The following RANBP2 variants were observed in gnomAD, a reference collection of about 807,000 sequenced individuals.
The protein encoded by RANBP2 is RAN binding protein 2, also known as E3 SUMO-protein ligase RanBP2.
RANBP2 carries 57 observed loss-of-function variants against 303.6 expected under a neutral mutation model. The observed-to-expected ratio is 0.19, with a 90% confidence interval of 0.15 to 0.23. The LOEUF (loss-of-function observed/expected upper bound fraction) is 0.23, where lower values mean the gene tolerates loss of function less well. Ranked by LOEUF, RANBP2 falls within the 10% of genes least tolerant of loss-of-function variation. The pLI is 1.00. For synonymous variants in RANBP2, 1,167 were observed against 1,301.5 expected (o/e 0.90, Z 2.23); for missense variants, 3,138 against 3,780.8 (o/e 0.83, Z 4.46).
chr2:108,823,343 A>G, the RANBP2 span, among the ~76,000 whole-genome samples: 39 of 152,370 alleles, frequency 2.6e-4, no homozygotes, highest in African/African-American at 6.5e-4. Flanking sequence ...ATAAAAAACT[A>G]TTGACTAATA....
chr2:108,875,471 T>C, the RANBP2 span, among the ~76,000 whole-genome samples: 1 of 151,988 alleles, frequency 6.6e-6, no homozygotes, highest in Non-Finnish European at 1.5e-5. Context: ...TTACTCAAAA[T>C]AGGATGATCA....
the RANBP2 span, among the ~76,000 whole-genome samples, chr2:109,777,333 T>G: frequency 1.0e-4 from 15 of 148,144 alleles, no homozygotes; most frequent in Middle Eastern, 3.4e-3. Context: ...TACTTTAATA[T>G]ACTTTAATAG....
chr2:109,562,256 A>G, the RANBP2 span, among the ~76,000 whole-genome samples: 2 of 151,642 alleles, frequency 1.3e-5, no homozygotes, highest in Non-Finnish European at 2.9e-5. Context: ...AAAAAAATAC[A>G]TGTCTTAAGC....
At chr2:109,405,646 T>C in the RANBP2 span, among the ~76,000 whole-genome samples, 1 of 152,240 alleles carries the variant, frequency 6.6e-6, no homozygotes, top group Non-Finnish European at 1.5e-5. Flanking sequence ...AGAAGGCTCC[T>C]GCCCGCCCTT....
rs577829907 is a variant in RANBP2, at chr2:108,745,778, A to G, written c.976-933A>G. 5.9e-5 allele frequency among the ~76,000 whole-genome samples: 9 copies of G among 152,140 alleles called. 1 individual carries two copies. The South Asian group carries it at 1.7e-3, about 28-fold the overall frequency. ...GTGTCATATCTACTCAAATAGGACA[A>G]CATCTGCTGTTGTCCTATTTATGCA... On this transcript the variant is annotated intron_variant, in intron 7 of 28. Coordinates refer to ENST00000283195, the MANE Select transcript of RANBP2 (RefSeq NM_006267.5).
chr2:109,105,005 C>T, the RANBP2 span, among the ~76,000 whole-genome samples: 1 of 152,132 alleles, frequency 6.6e-6, no homozygotes, highest in Non-Finnish European at 1.5e-5. Flanking sequence ...ATGAGCAGGG[C>T]AGGAGAGGGT....
At chr2:109,283,919 T>A in the RANBP2 span, among the ~76,000 whole-genome samples, 1 of 152,158 alleles carries the variant, frequency 6.6e-6, no homozygotes, top group African/African-American at 2.4e-5. Context: ...GACCCCCAGA[T>A]TCCATCTCAC....
At chr2:108,966,255 C>T in the RANBP2 span, among the ~76,000 whole-genome samples, 9,989 of 152,238 alleles carry the variant, frequency 0.066, 429 homozygotes, top group Non-Finnish European at 0.088. Context: ...ACTCAAGTTC[C>T]GTCTTTGTCA....
the RANBP2 span, among the ~76,000 whole-genome samples, chr2:109,404,289 C>G: frequency 6.6e-6 from 1 of 152,204 alleles, no homozygotes; most frequent in South Asian, 2.1e-4. Flanking sequence ...GATGAGAATG[C>G]TGAAAAGGAA....
the RANBP2 span, among the ~76,000 whole-genome samples, chr2:109,286,687 C>G: frequency 6.6e-6 from 1 of 152,212 alleles, no homozygotes; most frequent in African/African-American, 2.4e-5. Context: ...CATAGCTCAT[C>G]TGCTAGCAAA....
At chr2:109,545,667 T>G in the RANBP2 span, 1 of 1,476,780 alleles carries the variant, frequency 6.8e-7, no homozygotes, top group Non-Finnish European at 8.9e-7. Context: ...GGGCACAGCT[T>G]TATTTAGACA....
the RANBP2 span, among the ~76,000 whole-genome samples, chr2:109,004,047 A>T: frequency 6.6e-6 from 1 of 152,214 alleles, no homozygotes; most frequent in Non-Finnish European, 1.5e-5. Context: ...CAAAGAGTGA[A>T]TGGGAGATAA....
At chr2:108,757,211 A>C (rs1045568072) in intron 17 of RANBP2, among the ~76,000 whole-genome samples, 4 of 152,090 alleles carry the variant, frequency 2.6e-5, no homozygotes, top group African/African-American at 9.7e-5. Flanking sequence ...ATTTCCTGTT[A>C]AGTGTCTGTT....
chr2:109,765,341 A>G, the RANBP2 span, among the ~76,000 whole-genome samples: 2 of 149,650 alleles, frequency 1.3e-5, no homozygotes, highest in African/African-American at 4.9e-5. Context: ...GCTTATTACT[A>G]TGTGTGATAC....
chr2:109,220,101 A>C, the RANBP2 span, among the ~76,000 whole-genome samples: 1 of 152,254 alleles, frequency 6.6e-6, no homozygotes, highest in African/African-American at 2.4e-5. Flanking sequence ...AATACAACAG[A>C]GATCCCAGAA....
chr2:108,956,870 C>T, the RANBP2 span, among the ~76,000 whole-genome samples: 1 of 152,032 alleles, frequency 6.6e-6, no homozygotes, highest in Non-Finnish European at 1.5e-5. Flanking sequence ...CACACCGCAA[C>T]CTCCACCTCC....
At chr2:109,046,672 C>T in the RANBP2 span, among the ~76,000 whole-genome samples, 1 of 152,012 alleles carries the variant, frequency 6.6e-6, no homozygotes, top group Admixed American at 6.6e-5. Context: ...GAGCCACCTG[C>T]CCGGTCATGT....
the RANBP2 span, among the ~76,000 whole-genome samples, chr2:109,204,901 G>A: frequency 6.6e-6 from 1 of 152,188 alleles, no homozygotes; most frequent in Non-Finnish European, 1.5e-5. Context: ...AATTTTAGAA[G>A]TCTGCCTTTT....
the RANBP2 span, among the ~76,000 whole-genome samples, chr2:109,256,544 G>A: frequency 3.9e-4 from 59 of 152,302 alleles, no homozygotes; most frequent in South Asian, 1.4e-3. Flanking sequence ...GGAGCTTTGA[G>A]GGGCTAGTGT....
Sources: gnomAD v4.1 joint callset for allele counts (sites outside exome capture counted in the v4.1 genomes callset) on GRCh38, gnomAD v4.1.1 for gene constraint, MANE v1.5 for transcripts, NCBI Gene and HGNC (gene_info 2026-07-23, HGNC 2026-07-21) for gene names.